The following PIP variants were observed in gnomAD, a reference collection of about 807,000 sequenced individuals.
PIP encodes the protein prolactin-inducible protein.
Under a neutral mutation model 12.8 loss-of-function variants are expected in PIP, and 9 were observed. That is an observed-to-expected ratio of 0.70 (90% confidence interval 0.42 to 1.23). The LOEUF (loss-of-function observed/expected upper bound fraction) is 1.23, where lower values mean the gene tolerates loss of function less well. Ranked by LOEUF, PIP falls within the 50% of genes most tolerant of loss-of-function variation. The pLI, the probability that PIP is intolerant of heterozygous loss-of-function variation, is 0.00. For synonymous variants in PIP, 60 were observed against 66.1 expected, an observed-to-expected ratio of 0.91 and a Z score of 0.45; for missense variants, 172 against 179.5, an observed-to-expected ratio of 0.96 and a Z score of 0.24.
rs566914959 is a variant in PIP at position 143,135,539 on chromosome 7, T to C, written c.201+240T>C. ...AAATAAGAAGGAAAGGAAGAAGGAA[T>C]AGGAAGTGAGAAAGAGGGAAAAAGA... On this transcript the variant is annotated intron_variant, in intron 2 of 3. Transcript: ENST00000291009. Among the ~76,000 whole-genome samples, 7 of 151,840 alleles carry C rather than the reference T, an allele frequency of 4.6e-5. No homozygotes were observed. In the East Asian group the frequency reaches 1.4e-3, roughly 29 times the overall value.
chr7:143,135,394 C>T lies in PIP; in HGVS notation c.201+95C>T, dbSNP rs749648602. The T allele has an allele frequency of 5.9e-4, 338 of 573,926 alleles. 2 individuals carry two copies. The highest frequency in any genetic ancestry group is 9.6e-4 in the Non-Finnish European group (302 of 313,692). 35.6% of individuals were successfully genotyped at this position (573,926 alleles called of 1,614,324 possible). A position where few individuals can be genotyped will look rare whatever the true frequency, so the allele number is the denominator to read the frequency against. Reference sequence around the variant, plus strand: ...TCTCACTTTAATAATGTACAGTGTACTTAATGAAACATTCTCACTTATGTT... The same window carrying T: ...TCTCACTTTAATAATGTACAGTGTATTTAATGAAACATTCTCACTTATGTT... On this transcript the variant is annotated intron_variant, in intron 2 of 3. Transcript: ENST00000291009.
rs145508906 is a variant in PIP at position 143,139,191 on chromosome 7, T to C, written c.316+2T>C. On this transcript the variant is annotated splice_donor_variant, in intron 3 of 3. Transcript: ENST00000291009. LOFTEE classifies it high-confidence loss of function. The stretch of plus-strand genomic sequence containing the variant: ...TCTACTGGGACTTTTACACCAACAG[T>C]AAGTACAGAAGTTGTCCAAGGAGGG... 2.1e-4 allele frequency: 321 copies of C among 1,505,400 alleles called. 6 individuals are homozygous for C. Among genetic ancestry groups the C allele is most frequent in the Non-Finnish European group, 9.9e-5 (107 of 1,080,508 alleles). 93.3% of individuals were successfully genotyped at this position (1,505,400 alleles called of 1,614,324 possible).
At chr7:143,134,546 C>A (rs315281) in intron 1 of PIP, among the ~76,000 whole-genome samples, 1 of 151,362 alleles carries the variant, frequency 6.6e-6, no homozygotes, top group Non-Finnish European at 1.5e-5. Context: ...TTTTTGATTA[C>A]GGCCATTCTT....
intron 1 of PIP, among the ~76,000 whole-genome samples, chr7:143,132,987 C>A (rs1417892388): frequency 6.6e-6 from 1 of 151,882 alleles, no homozygotes; most frequent in East Asian, 1.9e-4. Context: ...GATATCCTGT[C>A]CTGGAGGAAA....
chr7:143,133,399 C>T (rs566573250), intron 1 of PIP, among the ~76,000 whole-genome samples: 29 of 152,028 alleles, frequency 1.9e-4, no homozygotes, highest in Non-Finnish European at 4.0e-4. Context: ...GCAGTTGGCA[C>T]CAAAAAATAG....
chr7:143,139,542 T>C lies in PIP; in HGVS notation c.341T>C (p.Val114Ala). 1 of 1,613,352 alleles carries C rather than the reference T, an allele frequency of 6.2e-7. No individual in the cohort carries two copies. Among genetic ancestry groups the C allele is most frequent in the Non-Finnish European group, 8.5e-7 (1 of 1,179,308 alleles). ...TNRTVQIAAVVDVIRELGICP... is the reference protein window; with the variant it reads ...TNRTVQIAAVADVIRELGICP... Reference sequence around the variant, plus strand: ...GGAACTGTGCAAATTGCAGCCGTCGTTGATGTTATTCGGGAATTAGGCATC... The same window carrying C: ...GGAACTGTGCAAATTGCAGCCGTCGCTGATGTTATTCGGGAATTAGGCATC... Residue 114 changes from valine to alanine, a missense_variant, in exon 4 of 4, where the codon GTT becomes GCT. By Grantham distance (64) the Val-to-Ala change is moderately conservative. Coordinates refer to ENST00000291009, the MANE Select transcript of PIP (RefSeq NM_002652.3).
chr7:143,134,740 A>AT (rs991612163), intron 1 of PIP, among the ~76,000 whole-genome samples: 2 of 151,752 alleles, frequency 1.3e-5, no homozygotes, highest in Non-Finnish European at 2.9e-5. Context: ...GGTATTGTAC[A>AT]TTTTTTCTTT....
rs200565282 is a variant in PIP at position 143,139,102 on chromosome 7, C to T, written c.229C>T (p.Pro77Ser). 4.4e-6 allele frequency: 7 copies of T among 1,591,230 alleles called. No homozygotes were observed. The highest frequency in any genetic ancestry group is 5.2e-6 in the Non-Finnish European group (6 of 1,158,824). Residue 77 changes from proline (P) to serine (S), a missense_variant, in exon 3 of 4, where the codon CCT becomes TCT. Pro to Ser is a moderately conservative substitution (Grantham distance 74, BLOSUM62 -1). Transcript: ENST00000291009. ...TAAAACTTACCTCATTAGCAGCATCCCTCTACAAGGTGCATTTAACTATAA... is the reference window on the plus strand; with the variant it reads ...TAAAACTTACCTCATTAGCAGCATCTCTCTACAAGGTGCATTTAACTATAA... ...VVKTYLISSIPLQGAFNYKYT... is the reference protein window; with the variant it reads ...VVKTYLISSISLQGAFNYKYT...
At chr7:143,132,926 A>G (rs181577685) in intron 1 of PIP, among the ~76,000 whole-genome samples, 42 of 152,150 alleles carry the variant, frequency 2.8e-4, no homozygotes, top group African/African-American at 9.9e-4. Context: ...AGGGTTTATA[A>G]TGCTGGGTTT....
At chr7:143,138,147 C>T (rs1430297639) in intron 2 of PIP, among the ~76,000 whole-genome samples, 2 of 152,090 alleles carry the variant, frequency 1.3e-5, no homozygotes, top group African/African-American at 4.8e-5. Flanking sequence ...CAAGGTAGTA[C>T]ATTCAGGCTG....
intron 2 of PIP, among the ~76,000 whole-genome samples, chr7:143,135,850 T>A (rs1799304437): frequency 6.6e-6 from 1 of 152,032 alleles, no homozygotes; most frequent in Admixed American, 6.6e-5. Flanking sequence ...CGTAATCATC[T>A]CCTCCTTTTC....
At chr7:143,134,275 G>A (rs1341540495) in intron 1 of PIP, among the ~76,000 whole-genome samples, 1 of 133,086 alleles carries the variant, frequency 7.5e-6, no homozygotes, top group East Asian at 2.3e-4. Context: ...TGGGCATTTG[G>A]GTTGGTTCCA....
chr7:143,138,931 A>T, intron 2 of PIP, 144 bp from the exon 3 acceptor site: 1 of 620,696 alleles, frequency 1.6e-6, no homozygotes, highest in South Asian at 1.9e-5. Flanking sequence ...TCCTGAAATG[A>T]TACTACAACA....
At chr7:143,136,894 G>C (rs545280599) in intron 2 of PIP, among the ~76,000 whole-genome samples, 1 of 151,784 alleles carries the variant, frequency 6.6e-6, no homozygotes, top group African/African-American at 2.4e-5. Flanking sequence ...TACAGGAAAG[G>C]AAATTTTGTT....
intron 1 of PIP, among the ~76,000 whole-genome samples, chr7:143,133,495 A>G (rs1799265629): frequency 6.6e-6 from 1 of 152,082 alleles, no homozygotes; most frequent in Non-Finnish European, 1.5e-5. Flanking sequence ...GTCCCACACA[A>G]TAACAAAGGT....
At chr7:143,137,025 TC>T (rs761683731) in intron 2 of PIP, among the ~76,000 whole-genome samples, 4 of 151,978 alleles carry the variant, frequency 2.6e-5, no homozygotes, top group African/African-American at 9.6e-5. Context: ...TCATTTTTTA[TC>T]ATTTATAATG....
chr7:143,138,973 A>C (rs1799337304), intron 2 of PIP, 102 bp from the exon 3 acceptor site: 4 of 683,358 alleles, frequency 5.9e-6, no homozygotes, highest in African/African-American at 1.8e-5. Flanking sequence ...GCCCACCTCC[A>C]CCCCCACTCT....
intron 2 of PIP, among the ~76,000 whole-genome samples, chr7:143,136,448 A>G (rs746755124): frequency 4.6e-5 from 7 of 152,206 alleles, no homozygotes; most frequent in Non-Finnish European, 8.8e-5. Context: ...TGTAAAGAAA[A>G]ATTCCTGGTC....
chr7:143,135,459 C>A (rs968910332), intron 2 of PIP, among the ~76,000 whole-genome samples, 160 bp downstream of exon 2: 1 of 151,956 alleles, frequency 6.6e-6, no homozygotes, highest in Non-Finnish European at 1.5e-5. Context: ...GAGCTTGGGA[C>A]AGATGACTTC....
Sources: allele counts gnomAD v4.1 joint callset (sites outside exome capture counted in the v4.1 genomes callset), GRCh38; gene constraint gnomAD v4.1.1; transcripts MANE v1.5; gene names NCBI Gene and HGNC (gene_info 2026-07-23, HGNC 2026-07-21).